The following ANKRD11 variants were observed in gnomAD, a reference collection of about 807,000 sequenced individuals.
ANKRD11 encodes ankyrin repeat domain-containing protein 11.
Under a neutral mutation model 195.7 loss-of-function variants are expected in ANKRD11, and 17 were observed. The ratio of observed to expected loss-of-function variants is 0.09; its 90% CI spans 0.06 to 0.13. The LOEUF (loss-of-function observed/expected upper bound fraction) is 0.13, where lower values mean the gene tolerates loss of function less well. Ranked by LOEUF, ANKRD11 falls within the 10% of genes least tolerant of loss-of-function variation. The probability of loss-of-function intolerance (pLI) is 1.00; values close to 1 mark genes in which losing one functional copy is unlikely to be tolerated. For synonymous variants in ANKRD11, 1,953 were observed against 1,528.1 expected (o/e 1.28, Z -6.49); for missense variants, 3,735 against 3,566.1 (o/e 1.05, Z -1.21).
intron 2 of ANKRD11, among the ~76,000 whole-genome samples, chr16:89,410,681 A>G (rs1420773399): frequency 1.3e-5 from 2 of 152,254 alleles, no homozygotes; most frequent in Non-Finnish European, 2.9e-5. Flanking sequence ...CCTAATAAAT[A>G]AATCATCCAT....
intron 1 of ANKRD11, among the ~76,000 whole-genome samples, chr16:89,419,789 C>T (rs137856273): frequency 4.0e-4 from 61 of 150,730 alleles, no homozygotes; most frequent in Non-Finnish European, 7.2e-4. Context: ...GGTTTTTCCT[C>T]CTTACACTCC....
chr16:89,321,714 G>C (rs2037339153), intron 2 of ANKRD11, among the ~76,000 whole-genome samples: 2 of 151,626 alleles, frequency 1.3e-5, no homozygotes, highest in African/African-American at 4.9e-5. Flanking sequence ...AAAAAAAAAA[G>C]ACTTCTTTGG....
At chr16:89,406,110 A>AG (rs1491343252) in intron 2 of ANKRD11, among the ~76,000 whole-genome samples, 68 of 127,442 alleles carry the variant, frequency 5.3e-4, no homozygotes, top group African/African-American at 2.2e-3. Context: ...ATTCCATCTC[A>AG]AAAAAAAAAA....
At chr16:89,392,384 ATAAGGGAGTT>A in intron 2 of ANKRD11, 2 of 152,404 alleles carry the variant, frequency 1.3e-5, no homozygotes, top group Non-Finnish European at 2.9e-5. Context: ...CATTACCTGT[ATAAGGGAGTT>A]TAAGTTAGAT....
At chr16:89,431,280 T>C (rs1286020538) in intron 1 of ANKRD11, 1 of 152,586 alleles carries the variant, frequency 6.6e-6, no homozygotes, top group East Asian at 1.9e-4. Context: ...TCTGCGTTGT[T>C]CACCGACAAA....
chr16:89,279,797 G>A lies in ANKRD11; in HGVS notation c.6745C>T (p.Arg2249Cys), dbSNP rs202081612. 2.3e-4 allele frequency: 349 copies of A among 1,538,542 alleles called. 1 individual carries two copies. The African/African-American group carries it at 3.9e-3, about 17-fold the overall frequency. ...VEPAPVPPEQ[R>C]PLGSGDQGAE... ...CCCTGGTCTCCGCTCCCCAGTGGGCGCTGTTCTGGGGGAACGGGCGCGGGC... is the reference window on the plus strand; with the variant it reads ...CCCTGGTCTCCGCTCCCCAGTGGGCACTGTTCTGGGGGAACGGGCGCGGGC... The change falls in exon 9 of 13, where the codon CGC becomes TGC. Residue 2249 changes from arginine (R) to cysteine (C), a missense_variant. Transcript: ENST00000301030. The surrounding 1 kb of genome is among the most constrained non-coding windows in gnomAD (Gnocchi z 5.6).
At chr16:89,335,574 A>G (rs2038309224) in intron 2 of ANKRD11, among the ~76,000 whole-genome samples, 1 of 152,238 alleles carries the variant, frequency 6.6e-6, no homozygotes, top group South Asian at 2.1e-4. Flanking sequence ...GTAGCAGAAC[A>G]GCGAGTGACG....
chr16:89,479,915 C>T (rs2057386170), intron 1 of ANKRD11, among the ~76,000 whole-genome samples: 1 of 148,952 alleles, frequency 6.7e-6, no homozygotes, highest in African/African-American at 2.5e-5. Flanking sequence ...TGCACTCCAG[C>T]CTGGGTGACA....
chr16:89,309,071 A>G (rs2036465102), intron 3 of ANKRD11, among the ~76,000 whole-genome samples: 1 of 152,190 alleles, frequency 6.6e-6, no homozygotes. Context: ...GTTCACCACC[A>G]GAAGACAAGA....
At chr16:89,274,712 C>T in intron 11 of ANKRD11, 102 bp downstream of exon 11, 2 of 1,552,574 alleles carry the variant, frequency 1.3e-6, no homozygotes, top group South Asian at 2.2e-5. Flanking sequence ...TGCTGAGCAC[C>T]CGGGAAGCTC....
chr16:89,474,837 C>A (rs781678385), intron 1 of ANKRD11, among the ~76,000 whole-genome samples: 1 of 152,204 alleles, frequency 6.6e-6, no homozygotes, highest in Non-Finnish European at 1.5e-5. Context: ...GCATAACATC[C>A]CAAAACTTAC....
Position 89,280,315 on chromosome 16 carries a change from G to A in ANKRD11, c.6227C>T (p.Pro2076Leu), listed in dbSNP as rs768819121. 1.1e-5 allele frequency: 17 copies of A among 1,589,882 alleles called. No homozygotes were observed. The highest frequency in any genetic ancestry group is 3.3e-5 in the South Asian group (3 of 89,588). ...FSNCKSLPEA[P>L]LDVAPEPACV... ...GGCGGGCTCGGGGGCCACGTCCAGC[G>A]GGGCTTCCGGAAGTGACTTGCAGTT... Residue 2076 changes from proline to leucine, a missense_variant, in exon 9 of 13, where the codon CCG becomes CTG. Coordinates refer to ENST00000301030, the MANE Select transcript of ANKRD11 (RefSeq NM_013275.6).
chr16:89,405,971 G>T (rs1438535264), intron 2 of ANKRD11, among the ~76,000 whole-genome samples: 1 of 152,052 alleles, frequency 6.6e-6, no homozygotes, highest in Non-Finnish European at 1.5e-5. Flanking sequence ...CTTACCGGGC[G>T]TGGTGGCACA....
At chr16:89,433,629 G>A (rs2043091728) in intron 1 of ANKRD11, among the ~76,000 whole-genome samples, 1 of 151,822 alleles carries the variant, frequency 6.6e-6, no homozygotes, top group African/African-American at 2.4e-5. Flanking sequence ...GGGCTTGGAC[G>A]CAGCAGGGCT....
intron 1 of ANKRD11, among the ~76,000 whole-genome samples, chr16:89,444,052 A>G (rs2043663462): frequency 6.6e-6 from 1 of 152,212 alleles, no homozygotes; most frequent in Non-Finnish European, 1.5e-5. Context: ...CAAGGCTGGG[A>G]CAAAGGTTAA....
chr16:89,313,196 G>T, intron 3 of ANKRD11: 1 of 1,053,710 alleles, frequency 9.5e-7, no homozygotes, highest in Non-Finnish European at 1.2e-6. Flanking sequence ...GGGCTGTGAG[G>T]CTGCCTGTGC....
intron 4 of ANKRD11, chr16:89,304,974 G>A: frequency 3.2e-6 from 2 of 622,306 alleles, no homozygotes; most frequent in East Asian, 5.8e-5. Context: ...ACGTGTGTGG[G>A]ACCCAAGAGT....
intron 1 of ANKRD11, among the ~76,000 whole-genome samples, chr16:89,440,358 A>G (rs1567808431): frequency 6.6e-6 from 1 of 152,238 alleles, no homozygotes; most frequent in East Asian, 1.9e-4. Flanking sequence ...CTGTAATCCC[A>G]GAACTCTGGA....
intron 2 of ANKRD11, among the ~76,000 whole-genome samples, chr16:89,386,299 T>C (rs993204249): frequency 2.6e-5 from 4 of 152,276 alleles, no homozygotes; most frequent in African/African-American, 4.8e-5. Flanking sequence ...AGCTTGATTA[T>C]TAAGACAGAC....
Sources: allele counts gnomAD v4.1 joint callset (sites outside exome capture counted in the v4.1 genomes callset), GRCh38; gene constraint gnomAD v4.1.1; non-coding constraint Gnocchi (gnomAD v3.1); transcripts MANE v1.5; gene names NCBI Gene and HGNC (gene_info 2026-07-23, HGNC 2026-07-21).